The following MINK1 variants were observed in gnomAD, a reference collection of about 807,000 sequenced individuals.
MINK1 encodes the protein misshapen like kinase 1.
A neutral mutation model predicts 178.4 loss-of-function variants in MINK1; 46 were observed. The ratio of observed to expected loss-of-function variants is 0.26; its 90% CI spans 0.20 to 0.33. MINK1 has a LOEUF of 0.33. MINK1 is among the 10% of genes least tolerant of loss of function. The pLI is 1.00. For synonymous variants in MINK1, 797 were observed against 709.7 expected, an observed-to-expected ratio of 1.12 and a Z score of -1.96; for missense variants, 1,366 against 1,814.9, an observed-to-expected ratio of 0.75 and a Z score of 4.49.
chr17:4,896,630 G>A lies in MINK1; in HGVS notation c.3775+42G>A. 6.2e-7 allele frequency: 1 copy of A among 1,610,654 alleles called. No individual in the cohort carries two copies. The highest frequency in any genetic ancestry group is 8.5e-7 in the Non-Finnish European group (1 of 1,177,892). On this transcript the variant is annotated intron_variant, in intron 30 of 31. Transcript: ENST00000355280. This position sits in a 1 kb window ranked among gnomAD's most constrained non-coding sequence, Gnocchi z 4.6. ...CCTCCCAGCCACATGCCCCGAGGTG[G>A]CCCCGGGGTGCAGCCTGCTCAGCCC...
intron 1 of MINK1, among the ~76,000 whole-genome samples, chr17:4,859,933 C>T (rs1913865684): frequency 6.6e-6 from 1 of 152,048 alleles, no homozygotes. Flanking sequence ...AACTACTTTC[C>T]GCATGCGGAG....
chr17:4,885,757 A>G lies in MINK1; in HGVS notation c.639+144A>G, dbSNP rs934317553. 2 of 1,399,422 alleles carry G rather than the reference A, an allele frequency of 1.4e-6. No individual in the cohort carries two copies. Among genetic ancestry groups the G allele is most frequent in the Admixed American group, 2.0e-5 (1 of 50,080 alleles). The allele number at this position is 1,399,422 out of a possible 1,614,324, so 86.7% of individuals were successfully genotyped here. On this transcript the variant is annotated intron_variant, in intron 7 of 31. Coordinates refer to ENST00000355280, the MANE Select transcript of MINK1 (RefSeq NM_153827.5). This position sits in a 1 kb window ranked among gnomAD's most constrained non-coding sequence, Gnocchi z 5.0. ...CTGGGGAACATCTTACGGCAAGGCA[A>G]GTGTGGGTGGGAAGATGGGATGGGT...
rs769596133 is a variant in MINK1, at chr17:4,885,663, A to AT, written c.639+51dup. On this transcript the variant is annotated intron_variant, in intron 7 of 31. Coordinates refer to ENST00000355280, the MANE Select transcript of MINK1 (RefSeq NM_153827.5). This position sits in a 1 kb window ranked among gnomAD's most constrained non-coding sequence, Gnocchi z 5.0. ...TGGGGGCTGCCAAGGGCGGGAAGCA[A>AT]TATGGGGACCACGGGGCCTGAGCAG... 6.2e-7 allele frequency: 1 copy of AT among 1,609,914 alleles called. No individual in the cohort carries two copies.
intron 4 of MINK1, 70 bp from the exon 5 acceptor site, chr17:4,884,293 G>A: frequency 1.7e-6 from 2 of 1,209,652 alleles, no homozygotes; most frequent in Non-Finnish European, 2.4e-6. Flanking sequence ...GTCTAGCAGG[G>A]GATTGGGGCA....
chr17:4,861,648 G>A (rs1389077506), intron 1 of MINK1: 2 of 289,970 alleles, frequency 6.9e-6, no homozygotes, highest in South Asian at 5.2e-5. Context: ...TTACAGGCAC[G>A]TGCCACCACA....
chr17:4,850,420 C>G (rs559718841), intron 1 of MINK1, among the ~76,000 whole-genome samples: 84 of 152,174 alleles, frequency 5.5e-4, no homozygotes, highest in Non-Finnish European at 1.1e-3. Context: ...TGGGTTGGTC[C>G]TTGGTGGGGC....
chr17:4,888,756 C>T (rs555329041), intron 12 of MINK1, among the ~76,000 whole-genome samples: 20 of 135,668 alleles, frequency 1.5e-4, no homozygotes, highest in Non-Finnish European at 2.9e-4. Flanking sequence ...AGTGCAGTGG[C>T]GCACTCTAGG....
chr17:4,860,636 T>C (rs1313714936), intron 1 of MINK1: 3 of 491,766 alleles, frequency 6.1e-6, no homozygotes, highest in Non-Finnish European at 1.2e-5. Context: ...CATTTGCCCC[T>C]AGTTTTTCCT....
chr17:4,859,108 G>A lies in MINK1; in HGVS notation c.58-19209G>A, dbSNP rs1248830701. 4.1e-6 allele frequency: 4 copies of A among 984,898 alleles called. No individual in the cohort carries two copies. In the East Asian group the frequency reaches 4.5e-4, roughly 112 times the overall value. 61.0% of individuals were successfully genotyped at this position (984,898 alleles called of 1,614,324 possible). A position where few individuals can be genotyped will look rare whatever the true frequency, so the allele number is the denominator to read the frequency against. On this transcript the variant is annotated intron_variant, in intron 1 of 31. Coordinates refer to ENST00000355280, the MANE Select transcript of MINK1 (RefSeq NM_153827.5). The stretch of plus-strand genomic sequence containing the variant: ...GCAGGACCTGCCGGGGCATATCTGA[G>A]TGAATAATCATTGCTGGGCTCGAAG...
At position 4,893,567 on chromosome 17, in the gene MINK1, C is replaced by A. The variant is rs778818845; in HGVS notation, c.2534C>A (p.Ala845Glu). 2.6e-6 allele frequency: 4 copies of A among 1,568,584 alleles called. No homozygotes were observed. In the East Asian group the frequency reaches 9.1e-5, roughly 36 times the overall value. The change falls in exon 21 of 32, where the codon GCA becomes GAA. Residue 845 changes from alanine to glutamate, a missense_variant. Physicochemically the swap from Ala to Glu is moderately radical, Grantham distance 107 (BLOSUM62 -1). Around this residue, in one of 14 missense-constraint regions of MINK1, gnomAD observed 709 missense variants for 692.3 expected, o/e 1.02. Coordinates refer to ENST00000355280, the MANE Select transcript of MINK1 (RefSeq NM_153827.5). ...GAGGAGGAAGGCGAAGGCGGGCCAG[C>A]AGAGGGGAGCAGAGATACCCCTGGG... ...DDEEEGEGGP[A>E]EGSRDTPGGR...
chr17:4,885,807 G>T lies in MINK1; in HGVS notation c.640-104G>T, dbSNP rs1192428084. On this transcript the variant is annotated intron_variant, in intron 7 of 31. Coordinates refer to ENST00000355280, the MANE Select transcript of MINK1 (RefSeq NM_153827.5). The surrounding 1 kb of genome is among the most constrained non-coding windows in gnomAD (Gnocchi z 5.0). ...TTGGAAGGCACTGCTGCAGGAATGGGTGTGGCCCAGGAAGGCTCCTGAGAG... is the reference window on the plus strand; with the variant it reads ...TTGGAAGGCACTGCTGCAGGAATGGTTGTGGCCCAGGAAGGCTCCTGAGAG... 4 of 1,444,192 alleles carry T rather than the reference G, an allele frequency of 2.8e-6. No homozygotes were observed. The African/African-American group carries it at 5.6e-5, about 20-fold the overall frequency. 89.5% of individuals were successfully genotyped at this position (1,444,192 alleles called of 1,614,324 possible). A position where few individuals can be genotyped will look rare whatever the true frequency, so the allele number is the denominator to read the frequency against.
rs767520188 is a variant in MINK1, at chr17:4,895,038, T to C, written c.2918-37T>C. On this transcript the variant is annotated intron_variant, in intron 24 of 31. Coordinates refer to ENST00000355280, the MANE Select transcript of MINK1 (RefSeq NM_153827.5). This position sits in a 1 kb window ranked among gnomAD's most constrained non-coding sequence, Gnocchi z 4.3. Reference sequence around the variant, plus strand: ...GGTAAAAAGAGATGGGGTGAGAAGCTGCAGCCCCTCCTCCCACCTCCTCCT... The same window carrying C: ...GGTAAAAAGAGATGGGGTGAGAAGCCGCAGCCCCTCCTCCCACCTCCTCCT... 1.2e-6 allele frequency: 2 copies of C among 1,608,418 alleles called. No individual in the cohort carries two copies. The highest frequency in any genetic ancestry group is 2.2e-5 in the East Asian group (1 of 44,794).
In MINK1 at chr17:4,834,383, T is replaced by TAC. The variant is rs373050353; in HGVS notation, c.57+756_57+757dup. 8.5e-3 allele frequency among the ~76,000 whole-genome samples: 1,292 copies of TAC among 151,996 alleles called. 12 individuals are homozygous for TAC. Among genetic ancestry groups the TAC allele is most frequent in the African/African-American group, 0.014 (581 of 41,490 alleles). On this transcript the variant is annotated intron_variant, in intron 1 of 31. Transcript: ENST00000355280. The stretch of plus-strand genomic sequence containing the variant: ...TAGCACGGGCTGGGAAGAGGATGTT[T>TAC]ACACACACACACACGCGCACACACG...
intron 12 of MINK1, among the ~76,000 whole-genome samples, 164 bp from the exon 13 acceptor site, chr17:4,889,483 C>T (rs1480125382): frequency 2.0e-5 from 3 of 152,090 alleles, no homozygotes; most frequent in Admixed American, 6.5e-5. Context: ...CCCAGCCCCG[C>T]GGGCCCTTGG....
At chr17:4,889,850 C>T in intron 13 of MINK1, 87 bp downstream of exon 13, 7 of 885,816 alleles carry the variant, frequency 7.9e-6, no homozygotes, top group South Asian at 1.7e-5. Context: ...TCCCCCTTCT[C>T]TCCCCCACCC....
At chr17:4,860,617 A>G (rs1914011062) in intron 1 of MINK1, 9 of 467,036 alleles carry the variant, frequency 1.9e-5, no homozygotes, top group Non-Finnish European at 3.9e-5. Flanking sequence ...GAGAGCTGCA[A>G]CGGGCTCACA....
In MINK1 at chr17:4,897,457, G is replaced by T. The variant is rs1200186483; in HGVS notation, c.*170G>T. ...ACCCCTGATGCTTTCGTGATCACGTGACCATCCTCTTCCCCAACATGTCCT... is the reference window on the plus strand; with the variant it reads ...ACCCCTGATGCTTTCGTGATCACGTTACCATCCTCTTCCCCAACATGTCCT... On this transcript the variant is annotated 3_prime_UTR_variant, in exon 32 of 32. Transcript: ENST00000355280. The T allele has an allele frequency of 1.8e-5, 11 of 598,960 alleles. No homozygotes were observed. Among genetic ancestry groups the T allele is most frequent in the Non-Finnish European group, 3.2e-5 (11 of 339,708 alleles). The allele number at this position is 598,960 out of a possible 1,614,324, so 37.1% of individuals were successfully genotyped here.
In MINK1 at chr17:4,891,529, A is replaced by G. The variant is rs767214060; in HGVS notation, c.1814A>G (p.Gln605Arg). 5 of 1,611,290 alleles carry G rather than the reference A, an allele frequency of 3.1e-6. No individual in the cohort carries two copies. In the South Asian group the frequency reaches 4.4e-5, roughly 14 times the overall value. Residue 605 changes from glutamine (Q) to arginine (R), a missense_variant, in exon 16 of 32, where the codon CAG (glutamine) becomes CGG (arginine). Gln to Arg is a conservative substitution (Grantham distance 43, BLOSUM62 1). Around this residue, in one of 14 missense-constraint regions of MINK1, gnomAD observed 709 missense variants for 692.3 expected, o/e 1.02. Coordinates refer to ENST00000355280, the MANE Select transcript of MINK1 (RefSeq NM_153827.5). Reference sequence around the variant, plus strand: ...CCCCGATCCCAGTCCCTGCAGGACCAGCCCACCCGAAACCTGGCTGCCTTC... The same window carrying G: ...CCCCGATCCCAGTCCCTGCAGGACCGGCCCACCCGAAACCTGGCTGCCTTC... ...PVPRSQSLQDQPTRNLAAFPA... is the reference protein window; with the variant it reads ...PVPRSQSLQDRPTRNLAAFPA...
In MINK1 at chr17:4,878,379, C is replaced by T; in HGVS notation, c.120C>T (p.Tyr40=). The change falls in exon 2 of 32, where the codon TAC becomes TAT. Residue 40 remains tyrosine (Y), a synonymous_variant. Coordinates refer to ENST00000355280, the MANE Select transcript of MINK1 (RefSeq NM_153827.5). ...VVGNGTYGQV[Y]KGRHVKTGQL... is the part of the protein sequence containing the mutation. ...GCAATGGAACCTACGGACAGGTGTACAAGGTGAGACGAATGGTGTGGAAGT... is the reference window on the plus strand; with the variant it reads ...GCAATGGAACCTACGGACAGGTGTATAAGGTGAGACGAATGGTGTGGAAGT... The T allele has an allele frequency of 6.5e-7, 1 of 1,536,638 alleles. No individual in the cohort carries two copies. Among genetic ancestry groups the T allele is most frequent in the Non-Finnish European group, 8.7e-7 (1 of 1,146,480 alleles).
Sources: allele counts gnomAD v4.1 joint callset (sites outside exome capture counted in the v4.1 genomes callset), GRCh38; gene constraint gnomAD v4.1.1; regional missense constraint gnomAD v4.1.1; non-coding constraint Gnocchi (gnomAD v3.1); transcripts MANE v1.5; gene names NCBI Gene and HGNC (gene_info 2026-07-23, HGNC 2026-07-21).